PPP4R4: variants seen among roughly 807,000 people sequenced by gnomAD.
PPP4R4 encodes the protein protein phosphatase 4 regulatory subunit 4, also known as serine/threonine-protein phosphatase 4 regulatory subunit 4.
PPP4R4 carries 70 observed loss-of-function variants against 121.8 expected under a neutral mutation model. The ratio of observed to expected loss-of-function variants is 0.57; its 90% CI spans 0.47 to 0.70. PPP4R4 has a LOEUF of 0.70. PPP4R4 is among the 30% of genes least tolerant of loss of function. The probability of loss-of-function intolerance (pLI) is 0.00; values close to 1 mark genes in which losing one functional copy is unlikely to be tolerated. For synonymous variants in PPP4R4, 348 were observed against 355.7 expected, an observed-to-expected ratio of 0.98 and a Z score of 0.24; for missense variants, 875 against 1,033.6, an observed-to-expected ratio of 0.85 and a Z score of 2.10.
intron 2 of PPP4R4, among the ~76,000 whole-genome samples, chr14:94,200,208 C>T (rs1279322534): frequency 6.6e-6 from 1 of 152,080 alleles, no homozygotes; most frequent in Non-Finnish European, 1.5e-5. Context: ...ACCTTGTATT[C>T]TGCATACTGC....
At chr14:94,263,295 T>A (rs1166050420) in intron 19 of PPP4R4, among the ~76,000 whole-genome samples, 2 of 152,102 alleles carry the variant, frequency 1.3e-5, no homozygotes, top group Non-Finnish European at 2.9e-5. Context: ...AGAGGCTTTG[T>A]TCTTTCTCAA....
chr14:94,207,710 CTA>C lies in PPP4R4; in HGVS notation c.192-742_192-741del, dbSNP rs753400733. 1.7e-4 allele frequency among the ~76,000 whole-genome samples: 25 copies of C among 150,372 alleles called. No homozygotes were observed. In the East Asian group the frequency reaches 1.7e-3, roughly 10 times the overall value. ...GATATATATATCTATATCTATCTAT[CTA>C]TATATATATATGTATATTTCAAGTA... On this transcript the variant is annotated intron_variant, in intron 2 of 24. Coordinates refer to ENST00000304338, the MANE Select transcript of PPP4R4 (RefSeq NM_058237.2).
chr14:94,194,855 A>G (rs1889786256), intron 2 of PPP4R4, among the ~76,000 whole-genome samples: 1 of 152,238 alleles, frequency 6.6e-6, no homozygotes. Context: ...CAGGCATGCA[A>G]GTTAAGAACT....
chr14:94,244,817 G>A, intron 12 of PPP4R4, 105 bp downstream of exon 12: 1 of 1,141,962 alleles, frequency 8.8e-7, no homozygotes, highest in Non-Finnish European at 1.2e-6. Context: ...TCTTTCAGCT[G>A]ACTAGCCCCA....
chr14:94,264,031 G>A (rs530303438), intron 19 of PPP4R4, among the ~76,000 whole-genome samples: 117 of 152,274 alleles, frequency 7.7e-4, no homozygotes, highest in African/African-American at 2.7e-3. Flanking sequence ...GGCCTCCTGT[G>A]TTTTGGTAAC....
intron 17 of PPP4R4, among the ~76,000 whole-genome samples, chr14:94,257,642 T>TACACACACACACACACACACAC (rs57997995): frequency 1.1e-4 from 16 of 146,882 alleles, no homozygotes; most frequent in African/African-American, 3.8e-4. Context: ...CATTTAAATC[T>TACACACACACACACACACACAC]ACACACACAC....
chr14:94,259,145 C>G, intron 18 of PPP4R4, 150 bp from the exon 19 acceptor site: 2 of 1,347,908 alleles, frequency 1.5e-6, no homozygotes, highest in Non-Finnish European at 2.0e-6. Flanking sequence ...CCCGGTCCCT[C>G]CCACAACATG....
intron 4 of PPP4R4, 50 bp from the exon 5 acceptor site, chr14:94,231,192 G>A: frequency 6.9e-7 from 1 of 1,446,912 alleles, no homozygotes; most frequent in Non-Finnish European, 9.7e-7. Flanking sequence ...AGTTGAAACT[G>A]AATTTGAAGT....
rs887078750 is a variant in PPP4R4, at chr14:94,246,487, A to G, written c.1559A>G (p.Asp520Gly). The G allele has an allele frequency of 3.7e-6, 6 of 1,614,078 alleles. No individual in the cohort carries two copies. The highest frequency in any genetic ancestry group is 5.1e-6 in the Non-Finnish European group (6 of 1,179,944). The change falls in exon 14 of 25, where the codon GAT becomes GGT. Residue 520 changes from aspartate (D) to glycine (G), a missense_variant. Asp to Gly is a moderately conservative substitution (Grantham distance 94, BLOSUM62 -1). Coordinates refer to ENST00000304338, the MANE Select transcript of PPP4R4 (RefSeq NM_058237.2). ...YACLPHVISS[D>G]QIYYRFLQRM... ...TGCCTGCCACATGTCATATCAAGCGATCAGATTTATTACCGTTTCTTACAA... is the reference window on the plus strand; with the variant it reads ...TGCCTGCCACATGTCATATCAAGCGGTCAGATTTATTACCGTTTCTTACAA...
At chr14:94,194,437 G>A (rs958615251) in intron 2 of PPP4R4, among the ~76,000 whole-genome samples, 2 of 152,122 alleles carry the variant, frequency 1.3e-5, no homozygotes, top group Admixed American at 1.3e-4. Context: ...ATAGGAAGTT[G>A]TAGATTTTAA....
chr14:94,271,254 T>A (rs1894313989), intron 23 of PPP4R4, among the ~76,000 whole-genome samples: 2 of 152,150 alleles, frequency 1.3e-5, no homozygotes, highest in East Asian at 3.9e-4. Context: ...ATCACAAATG[T>A]GAAAATTATC....
chr14:94,195,930 C>T (rs1889846297), intron 2 of PPP4R4, among the ~76,000 whole-genome samples: 1 of 151,584 alleles, frequency 6.6e-6, no homozygotes, highest in African/African-American at 2.4e-5. Flanking sequence ...TTTTTCATGT[C>T]CTATTTATAG....
intron 2 of PPP4R4, among the ~76,000 whole-genome samples, chr14:94,188,114 C>T (rs1209103452): frequency 6.6e-6 from 1 of 151,980 alleles, no homozygotes; most frequent in Non-Finnish European, 1.5e-5. Flanking sequence ...GTTAAGTTTC[C>T]TCTATTCCTA....
At chr14:94,263,175 G>A (rs1305572708) in intron 19 of PPP4R4, among the ~76,000 whole-genome samples, 1 of 152,036 alleles carries the variant, frequency 6.6e-6, no homozygotes, top group African/African-American at 2.4e-5. Flanking sequence ...AATTTGGGAA[G>A]ATTTGGTCAT....
chr14:94,192,728 T>C (rs1195238025), intron 2 of PPP4R4, among the ~76,000 whole-genome samples: 1 of 152,176 alleles, frequency 6.6e-6, no homozygotes, highest in East Asian at 1.9e-4. Flanking sequence ...ACTGATTATG[T>C]CACGTCATCA....
chr14:94,278,755 T>TTG lies in PPP4R4; in HGVS notation c.*113_*114insGT, dbSNP rs1894779603. The stretch of plus-strand genomic sequence containing the variant: ...TGTTTTTAAATTTTGGGTTTTTTTT[T>TTG]TTGTTGTTGTTAATGAGCAGAAAGA... On this transcript the variant is annotated 3_prime_UTR_variant, in exon 25 of 25. Transcript: ENST00000304338. 4 of 1,112,716 alleles carry TTG rather than the reference T, an allele frequency of 3.6e-6. No individual in the cohort carries two copies. Among genetic ancestry groups the TTG allele is most frequent in the East Asian group, 2.7e-5 (1 of 36,850 alleles). 68.9% of individuals were successfully genotyped at this position (1,112,716 alleles called of 1,614,324 possible).
chr14:94,183,525 C>T (rs1002933451), intron 2 of PPP4R4, among the ~76,000 whole-genome samples: 13 of 152,170 alleles, frequency 8.5e-5, no homozygotes, highest in African/African-American at 3.1e-4. Flanking sequence ...GATTGTTTCC[C>T]ATCTCTGTTT....
intron 3 of PPP4R4, among the ~76,000 whole-genome samples, chr14:94,208,936 A>T (rs1172805756): frequency 2.0e-5 from 3 of 151,886 alleles, no homozygotes; most frequent in Admixed American, 6.6e-5. Flanking sequence ...AATTGAGCTG[A>T]TATTCCTAAT....
intron 3 of PPP4R4, among the ~76,000 whole-genome samples, chr14:94,212,849 A>G (rs187192708): frequency 3.0e-4 from 45 of 152,312 alleles, no homozygotes; most frequent in East Asian, 9.6e-4. Flanking sequence ...ATTACACCAC[A>G]TAACGAAGGT....
Sources: gnomAD v4.1 joint callset for allele counts (sites outside exome capture counted in the v4.1 genomes callset) on GRCh38, gnomAD v4.1.1 for gene constraint, MANE v1.5 for transcripts, NCBI Gene and HGNC (gene_info 2026-07-23, HGNC 2026-07-21) for gene names.